The following SPDYA variants were observed in gnomAD, a reference collection of about 807,000 sequenced individuals.
The protein encoded by SPDYA is speedy protein A.
Under a neutral mutation model 36.7 loss-of-function variants are expected in SPDYA, and 11 were observed. The observed-to-expected ratio is 0.30, with a 90% CI of 0.19 to 0.50. SPDYA has a LOEUF of 0.50. Among genes scored for constraint, SPDYA ranks in the 20% least tolerant of loss-of-function variants. SPDYA has a pLI of 0.98. For synonymous variants in SPDYA, 115 were observed against 118.7 expected (o/e 0.97, Z 0.20); for missense variants, 287 against 370.9 (o/e 0.77, Z 1.86).
chr2:28,840,501 T>C (rs779385817), intron 7 of SPDYA, 32 bp downstream of exon 7: 16 of 1,607,284 alleles, frequency 1.0e-5, no homozygotes, highest in African/African-American at 1.3e-5. Flanking sequence ...GAATTAGATT[T>C]ATGCATGTTG....
At chr2:28,832,567 C>T (rs923166604) in intron 6 of SPDYA, among the ~76,000 whole-genome samples, 4 of 152,174 alleles carry the variant, frequency 2.6e-5, no homozygotes, top group South Asian at 2.1e-4. Context: ...TCAAACTTAA[C>T]GTGCCTAAAA....
rs1251540820 is a variant in SPDYA, at chr2:28,849,852, G to A, written c.853G>A (p.Val285Ile). Residue 285 changes from valine to isoleucine, a missense_variant and splice_region_variant, in exon 8 of 8, where the codon GTC (valine) becomes ATC (isoleucine). Coordinates refer to ENST00000334056, the MANE Select transcript of SPDYA (RefSeq NM_182756.4). Reference protein sequence around the residue: ...PSQAYTGSEVVNDHQSNKGKK... With the variant: ...PSQAYTGSEVINDHQSNKGKK... ...TTAAAATGCATATTTTATTTCAGTA[G>A]TCAATGACCATCAATCAAATAAAGG... 6.5e-7 allele frequency: 1 copy of A among 1,528,828 alleles called. No homozygotes were observed. Among genetic ancestry groups the A allele is most frequent in the Non-Finnish European group, 8.9e-7 (1 of 1,122,250 alleles). 94.7% of individuals were successfully genotyped at this position (1,528,828 alleles called of 1,614,324 possible). A position where few individuals can be genotyped will look rare whatever the true frequency, so the allele number is the denominator to read the frequency against.
At chr2:28,820,187 T>G (rs552861449) in intron 4 of SPDYA, among the ~76,000 whole-genome samples, 10 of 152,200 alleles carry the variant, frequency 6.6e-5, no homozygotes, top group Admixed American at 6.5e-4. Context: ...CAGTAATTTG[T>G]AGGGTAAAAT....
At chr2:28,830,044 C>T (rs1346288117) in intron 6 of SPDYA, among the ~76,000 whole-genome samples, 2 of 150,964 alleles carry the variant, frequency 1.3e-5, no homozygotes, top group African/African-American at 4.9e-5. Context: ...GAGGCTGAGG[C>T]AGGAGAATCA....
At chr2:28,820,590 AAAT>A (rs1223439099) in intron 4 of SPDYA, among the ~76,000 whole-genome samples, 1 of 152,184 alleles carries the variant, frequency 6.6e-6, no homozygotes, top group Non-Finnish European at 1.5e-5. Flanking sequence ...TGTCTCAAAA[AAAT>A]AATAATAATA....
In SPDYA at chr2:28,815,985, T is replaced by C. The variant is rs1667974677; in HGVS notation, c.-18-12T>C. On this transcript the variant is annotated splice_polypyrimidine_tract_variant and intron_variant, in intron 2 of 7. Coordinates refer to ENST00000334056, the MANE Select transcript of SPDYA (RefSeq NM_182756.4). The stretch of plus-strand genomic sequence containing the variant: ...TGTGTGTGATGAATAATTGTATGTT[T>C]TATTTTTACAGGAATATTGGGAAAC... The C allele has an allele frequency of 6.5e-7, 1 of 1,544,132 alleles. No homozygotes were observed. Among genetic ancestry groups the C allele is most frequent in the Non-Finnish European group, 8.9e-7 (1 of 1,124,304 alleles).
chr2:28,846,765 ACACACAC>A, intron 7 of SPDYA, among the ~76,000 whole-genome samples: 1 of 150,560 alleles, frequency 6.6e-6, no homozygotes, highest in Admixed American at 6.6e-5. Flanking sequence ...ACACACACAC[ACACACAC>A]AAAGGGAAGT....
intron 4 of SPDYA, 119 bp from the exon 5 acceptor site, chr2:28,822,206 T>C (rs1668186186): frequency 4.4e-6 from 2 of 459,150 alleles, no homozygotes; most frequent in African/African-American, 4.0e-5. Context: ...AATTCTATAA[T>C]AAGTAACACT....
chr2:28,818,022 CTG>C, intron 3 of SPDYA, among the ~76,000 whole-genome samples: 1 of 149,216 alleles, frequency 6.7e-6, no homozygotes, highest in East Asian at 2.0e-4. Context: ...AAAAATTTAT[CTG>C]GGCATGGTGG....
intron 5 of SPDYA, among the ~76,000 whole-genome samples, chr2:28,824,995 T>C (rs774332933): frequency 2.0e-5 from 3 of 152,232 alleles, no homozygotes; most frequent in Non-Finnish European, 4.4e-5. Context: ...AATTTTAATG[T>C]AGTATTAACT....
chr2:28,844,654 C>T (rs1198026081), intron 7 of SPDYA, among the ~76,000 whole-genome samples: 1 of 152,090 alleles, frequency 6.6e-6, no homozygotes, highest in Non-Finnish European at 1.5e-5. Context: ...ATATTTTTTG[C>T]TGGGCGCGGT....
chr2:28,829,266 C>T lies in SPDYA; in HGVS notation c.499C>T (p.Leu167Phe), dbSNP rs1439833634. 2 of 1,613,876 alleles carry T rather than the reference C, an allele frequency of 1.2e-6. No individual in the cohort carries two copies. The highest frequency in any genetic ancestry group is 1.7e-6 in the Non-Finnish European group (2 of 1,179,976). ...TAATTTCTTAAAGTTAAGGGACCAG[C>T]TCTGGGATAGAATTGACTATAGGGC... is the stretch of plus-strand genomic sequence containing the variant. ...FPNFLKLRDQ[L>F]WDRIDYRAIV... is the part of the protein sequence containing the mutation. Residue 167 changes from leucine to phenylalanine, a missense_variant, in exon 6 of 8, where the codon CTC (leucine) becomes TTC (phenylalanine). Leu to Phe is a conservative substitution (Grantham distance 22). Coordinates refer to ENST00000334056, the MANE Select transcript of SPDYA (RefSeq NM_182756.4).
intron 7 of SPDYA, among the ~76,000 whole-genome samples, chr2:28,843,277 G>A (rs972102826): frequency 1.2e-4 from 19 of 152,208 alleles, no homozygotes; most frequent in East Asian, 5.8e-4. Flanking sequence ...GGCCGGGCAC[G>A]GTGGCTTGTG....
At chr2:28,830,679 A>G (rs1242967862) in intron 6 of SPDYA, among the ~76,000 whole-genome samples, 3 of 152,222 alleles carry the variant, frequency 2.0e-5, no homozygotes, top group African/African-American at 7.2e-5. Flanking sequence ...AAATTGAAAC[A>G]CTATTTAACA....
chr2:28,835,391 C>T (rs1485220955), intron 6 of SPDYA, among the ~76,000 whole-genome samples: 1 of 152,194 alleles, frequency 6.6e-6, no homozygotes, highest in Non-Finnish European at 1.5e-5. Context: ...GCATGCGCCA[C>T]CACGCCCGGC....
At chr2:28,819,264 T>C (rs1274013870) in intron 4 of SPDYA, among the ~76,000 whole-genome samples, 158 bp downstream of exon 4, 2 of 152,100 alleles carry the variant, frequency 1.3e-5, no homozygotes, top group Non-Finnish European at 2.9e-5. Context: ...ATCCCAAAAC[T>C]TTGGGAGGCT....
At chr2:28,847,172 A>C (rs554058386) in intron 7 of SPDYA, among the ~76,000 whole-genome samples, 163 of 150,848 alleles carry the variant, frequency 1.1e-3, no homozygotes, top group African/African-American at 3.8e-3. Context: ...GTGAAACCCT[A>C]TCTCTACTAA....
rs781425460 is a variant in SPDYA at position 28,816,020 on chromosome 2, G to A, written c.6G>A (p.Arg2=). The part of the protein sequence containing the change: M[R]HNQMCCETPP... ...AGGAATATTGGGAAACCAAAATGAG[G>A]CACAATCAGATGTGTTGTGAGACAC... The change falls in exon 3 of 8, where the codon AGG becomes AGA. Residue 2 remains arginine, a synonymous_variant. Transcript: ENST00000334056. 2 of 1,605,526 alleles carry A rather than the reference G, an allele frequency of 1.2e-6. No individual in the cohort carries two copies. The highest frequency in any genetic ancestry group is 8.5e-7 in the Non-Finnish European group (1 of 1,177,620).
intron 4 of SPDYA, among the ~76,000 whole-genome samples, chr2:28,821,928 A>G (rs1668178941): frequency 6.6e-6 from 1 of 152,226 alleles, no homozygotes; most frequent in East Asian, 1.9e-4. Context: ...GAAAAATTAT[A>G]TATACACATA....
Sources: gnomAD v4.1 joint callset for allele counts (sites outside exome capture counted in the v4.1 genomes callset) on GRCh38, gnomAD v4.1.1 for gene constraint, MANE v1.5 for transcripts, NCBI Gene and HGNC (gene_info 2026-07-23, HGNC 2026-07-21) for gene names.